ABCA13: variants seen among roughly 807,000 people sequenced by gnomAD.
ABCA13 encodes the protein ATP-binding cassette sub-family A member 13.
In ABCA13, 476 loss-of-function variants were observed where a neutral mutation model predicts 478.7. The ratio of observed to expected loss-of-function variants is 0.99; its 90% CI spans 0.92 to 1.07. The LOEUF (loss-of-function observed/expected upper bound fraction) is 1.07, where lower values mean the gene tolerates loss of function less well. Among genes scored for constraint, ABCA13 ranks in the 50% least tolerant of loss-of-function variants. The pLI is 0.00. For synonymous variants in ABCA13, 2,252 were observed against 2,158.9 expected, an observed-to-expected ratio of 1.04 and a Z score of -1.20; for missense variants, 6,060 against 5,910.6, an observed-to-expected ratio of 1.03 and a Z score of -0.83.
At chr7:48,188,207 T>G (rs1398061829) in intron 1 of ABCA13, among the ~76,000 whole-genome samples, 1 of 152,220 alleles carries the variant, frequency 6.6e-6, no homozygotes, top group Non-Finnish European at 1.5e-5. Flanking sequence ...GGCTCCGTGC[T>G]CTCCTATGAA....
intron 1 of ABCA13, among the ~76,000 whole-genome samples, chr7:48,187,268 CTT>C (rs539089022): frequency 5.5e-5 from 7 of 127,420 alleles, no homozygotes; most frequent in Admixed American, 1.5e-4. Context: ...AGGGAGTTGT[CTT>C]TTTTTTTTTT....
intron 45 of ABCA13, among the ~76,000 whole-genome samples, chr7:48,472,392 A>G (rs1282076941): frequency 6.6e-6 from 1 of 152,180 alleles, no homozygotes; most frequent in Non-Finnish European, 1.5e-5. Flanking sequence ...TAATATAGGT[A>G]GAGAGTTTAT....
intron 31 of ABCA13, among the ~76,000 whole-genome samples, chr7:48,356,457 A>G (rs1809934649): frequency 6.6e-6 from 1 of 151,380 alleles, no homozygotes; most frequent in Non-Finnish European, 1.5e-5. Flanking sequence ...TTGGTAGTGT[A>G]TAAACGGGGG....
rs746646950 is a variant in ABCA13, at chr7:48,295,712, A to G, written c.8968A>G (p.Ile2990Val). Residue 2990 changes from isoleucine to valine, a missense_variant, in exon 21 of 62, where the codon ATA becomes GTA. By Grantham distance (29) the Ile-to-Val change is conservative. This residue lies in a region of ABCA13 where 4,423 missense variants were observed against 4,309.1 expected (regional missense o/e 1.03). Transcript: ENST00000435803. The stretch of plus-strand genomic sequence containing the variant: ...CTATGTTTTCTAGGAAATTGAAAAG[A>G]TATGGTCCTCGCCGAATCAGCTAAA... ...AQDHFQEIEK[I>V]WSSPNQLNCE... 2 of 1,614,060 alleles carry G rather than the reference A, an allele frequency of 1.2e-6. No individual in the cohort carries two copies. Among genetic ancestry groups the G allele is most frequent in the Non-Finnish European group, 1.7e-6 (2 of 1,179,902 alleles).
At chr7:48,174,511 A>G (rs1478284645) in intron 1 of ABCA13, among the ~76,000 whole-genome samples, 1 of 152,138 alleles carries the variant, frequency 6.6e-6, no homozygotes, top group Non-Finnish European at 1.5e-5. Flanking sequence ...AATAATGGAT[A>G]AATAGTACCC....
At chr7:48,222,619 G>A (rs981290299) in intron 5 of ABCA13, among the ~76,000 whole-genome samples, 3 of 152,094 alleles carry the variant, frequency 2.0e-5, no homozygotes, top group East Asian at 3.9e-4. Flanking sequence ...TATGTTATTA[G>A]ATCAAGTGTA....
At chr7:48,251,644 A>T (rs10260059) in intron 15 of ABCA13, among the ~76,000 whole-genome samples, 12,091 of 151,808 alleles carry the variant, frequency 0.08, 607 homozygotes, top group East Asian at 0.18. Context: ...AACGGAATTT[A>T]AAAAAAATAT....
intron 3 of ABCA13, among the ~76,000 whole-genome samples, chr7:48,207,679 T>C (rs1240898263): frequency 6.6e-6 from 1 of 152,162 alleles, no homozygotes; most frequent in African/African-American, 2.4e-5. Flanking sequence ...TTTGAGCTTG[T>C]TATATATTCT....
rs2128757190 is a variant in ABCA13 at position 48,274,843 on chromosome 7, A to G, written c.5177A>G (p.Asn1726Ser). The change falls in exon 17 of 62, where the codon AAT (asparagine) becomes AGT (serine). Residue 1726 changes from asparagine (N) to serine (S), a missense_variant. Physicochemically the swap from Asn to Ser is conservative, Grantham distance 46. Around this residue, in one of 3 missense-constraint regions of ABCA13, gnomAD observed 4,423 missense variants for 4,309.1 expected, o/e 1.03. Coordinates refer to ENST00000435803, the MANE Select transcript of ABCA13 (RefSeq NM_152701.5). Reference sequence around the variant, plus strand: ...GACAGCTCACATTCTTGGAATGTTAATCATCTGCTGCAGCTCTCACGCCTG... The same window carrying G: ...GACAGCTCACATTCTTGGAATGTTAGTCATCTGCTGCAGCTCTCACGCCTG... ...FADSSHSWNV[N>S]HLLQLSRLFP... is the part of the protein sequence containing the mutation. 1 of 1,613,948 alleles carries G rather than the reference A, an allele frequency of 6.2e-7. No homozygotes were observed. Among genetic ancestry groups the G allele is most frequent in the Non-Finnish European group, 8.5e-7 (1 of 1,179,852 alleles).
intron 55 of ABCA13, among the ~76,000 whole-genome samples, chr7:48,538,809 T>C (rs1274845362): frequency 6.6e-6 from 1 of 152,244 alleles, no homozygotes; most frequent in African/African-American, 2.4e-5. Flanking sequence ...TAATCTTGCA[T>C]GTTTGTAAGA....
At position 48,275,296 on chromosome 7, in the gene ABCA13, G is replaced by A. The variant is rs748513673; in HGVS notation, c.5630G>A (p.Ser1877Asn). Reference sequence around the variant, plus strand: ...GAAGATTCACCATGTTCAAATGAAAGCTCCCGAATGGAAATAACTAGGAAA... The same window carrying A: ...GAAGATTCACCATGTTCAAATGAAAACTCCCGAATGGAAATAACTAGGAAA... Reference protein sequence around the residue: ...QGEDSPCSNESSRMEITRKVV... With the variant: ...QGEDSPCSNENSRMEITRKVV... Residue 1877 changes from serine (S) to asparagine (N), a missense_variant, in exon 17 of 62, where the codon AGC becomes AAC. Ser to Asn is a conservative substitution (Grantham distance 46). Around this residue, in one of 3 missense-constraint regions of ABCA13, gnomAD observed 4,423 missense variants for 4,309.1 expected, o/e 1.03. Coordinates refer to ENST00000435803, the MANE Select transcript of ABCA13 (RefSeq NM_152701.5). 1.9e-6 allele frequency: 3 copies of A among 1,613,854 alleles called. No individual in the cohort carries two copies. Among genetic ancestry groups the A allele is most frequent in the Middle Eastern group, 1.6e-4 (1 of 6,062 alleles).
intron 55 of ABCA13, among the ~76,000 whole-genome samples, chr7:48,570,882 C>A (rs1787580125): frequency 6.6e-6 from 1 of 151,810 alleles, no homozygotes; most frequent in Non-Finnish European, 1.5e-5. Context: ...TTCCTCTGTT[C>A]TTCTATTACT....
At chr7:48,587,083 G>A (rs543683846) in intron 56 of ABCA13, 71 bp from the exon 57 acceptor site, 17 of 1,593,572 alleles carry the variant, frequency 1.1e-5, no homozygotes, top group East Asian at 4.5e-5. Context: ...GCAGGAATGA[G>A]GACTGAGACC....
chr7:48,276,846 G>A (rs1158320599), intron 17 of ABCA13, among the ~76,000 whole-genome samples: 1 of 151,968 alleles, frequency 6.6e-6, no homozygotes. Context: ...ATTTTATATG[G>A]ATCTGAAAAA....
At chr7:48,445,011 CT>C (rs34045232) in intron 42 of ABCA13, among the ~76,000 whole-genome samples, 39,465 of 141,264 alleles carry the variant, frequency 0.28, 5,452 homozygotes, top group African/African-American at 0.4. Context: ...TTCTTTCTTT[CT>C]TTTTTTTTTT....
In ABCA13 at chr7:48,466,969, A is replaced by G. The variant is rs4917152; in HGVS notation, c.12829A>G (p.Asn4277Asp). ...AATGAACAGCAGCAGTGGGGGCGAC[A>G]ACTTGGACCTCACCCGTGTGCTTCT... The part of the protein sequence containing the change: ...ETYFFSSGGD[N>D]LDLTRVLLRK... The change falls in exon 44 of 62, where the codon AAC becomes GAC. Residue 4277 changes from asparagine (N) to aspartate (D), a missense_variant. Transcript: ENST00000435803. The G allele has an allele frequency of 0.15, 234,013 of 1,613,374 alleles. 19,512 individuals are homozygous for G. Among genetic ancestry groups the G allele is most frequent in the African/African-American group, 0.31 (23,157 of 74,928 alleles).
In ABCA13 at chr7:48,615,308, G is replaced by A. The variant is rs1269236795; in HGVS notation, c.14768G>A (p.Cys4923Tyr). Residue 4923 changes from cysteine (C) to tyrosine (Y), a missense_variant, in exon 59 of 62, where the codon TGC (cysteine) becomes TAC (tyrosine). Physicochemically the swap from Cys to Tyr is radical, Grantham distance 194 (BLOSUM62 -2). Coordinates refer to ENST00000435803, the MANE Select transcript of ABCA13 (RefSeq NM_152701.5). The stretch of plus-strand genomic sequence containing the variant: ...AGCATGGAGGAGTGTGAGGCTCTTT[G>A]CACAAGACTGGCCATAATGGTTAAC... ...SHSMEECEAL[C>Y]TRLAIMVNGS... 1 of 1,575,658 alleles carries A rather than the reference G, an allele frequency of 6.3e-7. No individual in the cohort carries two copies. The highest frequency in any genetic ancestry group is 1.8e-5 in the Admixed American group (1 of 55,282).
intron 41 of ABCA13, among the ~76,000 whole-genome samples, chr7:48,426,912 C>T (rs1821501133): frequency 7.3e-6 from 1 of 136,282 alleles, no homozygotes; most frequent in South Asian, 2.6e-4. Flanking sequence ...AGCCAACACT[C>T]TGCGTGGTGC....
intron 47 of ABCA13, among the ~76,000 whole-genome samples, chr7:48,487,255 A>T (rs1484002313): frequency 6.6e-6 from 1 of 151,462 alleles, no homozygotes; most frequent in Non-Finnish European, 1.5e-5. Flanking sequence ...TGTTGCAGTG[A>T]GCTGAGATCA....
Sources: allele counts gnomAD v4.1 joint callset (sites outside exome capture counted in the v4.1 genomes callset), GRCh38; gene constraint gnomAD v4.1.1; regional missense constraint gnomAD v4.1.1; transcripts MANE v1.5; gene names NCBI Gene and HGNC (gene_info 2026-07-23, HGNC 2026-07-21).